Variants in NR5A2 observed in about 807,000 individuals in gnomAD.
NR5A2 encodes nuclear receptor subfamily 5 group A member 2.
A neutral mutation model predicts 62.7 loss-of-function variants in NR5A2; 26 were observed. The ratio of observed to expected loss-of-function variants is 0.41; its 90% confidence interval spans 0.30 to 0.58. NR5A2 has a LOEUF of 0.58. Among genes scored for constraint, NR5A2 ranks in the 20% least tolerant of loss-of-function variants. The probability of loss-of-function intolerance (pLI) is 0.22; values close to 1 mark genes in which losing one functional copy is unlikely to be tolerated. For missense variants in NR5A2, 541 were observed against 669.1 expected, an observed-to-expected ratio of 0.81 and a Z score of 2.11; for synonymous variants, 246 against 241.7, an observed-to-expected ratio of 1.02 and a Z score of -0.16.
intron 7 of NR5A2, among the ~76,000 whole-genome samples, chr1:200,151,345 GCAT>G (rs1653105317): frequency 6.6e-6 from 1 of 152,200 alleles, no homozygotes; most frequent in African/African-American, 2.4e-5. Context: ...TACTGTCAGA[GCAT>G]CATGTATTCT....
chr1:200,132,171 G>C (rs942137976), intron 7 of NR5A2, among the ~76,000 whole-genome samples: 3 of 152,014 alleles, frequency 2.0e-5, no homozygotes, highest in Non-Finnish European at 4.4e-5. Flanking sequence ...TACCACCCCC[G>C]GCTAATTTTT....
chr1:200,167,162 T>G (rs1653940207), intron 7 of NR5A2, among the ~76,000 whole-genome samples: 1 of 152,188 alleles, frequency 6.6e-6, no homozygotes, highest in African/African-American at 2.4e-5. Flanking sequence ...GCCTTTCTCT[T>G]GAGGTCTAGA....
Position 200,048,939 on chromosome 1 carries a change from T to A in NR5A2, c.1110+121T>A. 8.0e-7 allele frequency: 1 copy of A among 1,253,364 alleles called. No homozygotes were observed. The highest frequency in any genetic ancestry group is 1.1e-6 in the Non-Finnish European group (1 of 902,010). 77.6% of individuals were successfully genotyped at this position (1,253,364 alleles called of 1,614,324 possible). On this transcript the variant is annotated intron_variant, in intron 5 of 7. Transcript: ENST00000367362. The surrounding 1 kb of genome is among the most constrained non-coding windows in gnomAD (Gnocchi z 4.8). ...CCTTAATTTTCTACTTTGTATGATT[T>A]ACAGAGTAGACGTAATTTTATTACC...
chr1:200,103,120 C>CTT (rs1491019934), intron 5 of NR5A2, among the ~76,000 whole-genome samples: 4 of 100,926 alleles, frequency 4.0e-5, no homozygotes, highest in African/African-American at 7.4e-5. Flanking sequence ...GCATGTAAAA[C>CTT]TCTTTTTTTT....
intron 5 of NR5A2, among the ~76,000 whole-genome samples, chr1:200,095,874 A>T (rs541318582): frequency 1.3e-5 from 2 of 152,174 alleles, no homozygotes; most frequent in African/African-American, 4.8e-5. Context: ...TTTTTAAAAA[A>T]TTTTTTGGCA....
intron 1 of NR5A2, chr1:200,038,714 C>A (rs1183855690): frequency 7.3e-7 from 1 of 1,366,166 alleles, no homozygotes; most frequent in South Asian, 1.1e-5. Context: ...GAGGAAATTG[C>A]CGCTCTGGCT....
intron 1 of NR5A2, among the ~76,000 whole-genome samples, chr1:200,038,058 G>A (rs1159242630): frequency 6.6e-6 from 1 of 152,216 alleles, no homozygotes; most frequent in Non-Finnish European, 1.5e-5. Context: ...CTAAATATGA[G>A]GCATTTCGCA....
intron 5 of NR5A2, among the ~76,000 whole-genome samples, chr1:200,083,632 T>C (rs1664391673): frequency 1.0e-5 from 1 of 98,768 alleles, no homozygotes; most frequent in Non-Finnish European, 2.1e-5. Flanking sequence ...AGTATATATA[T>C]ATACAGTATT....
At chr1:200,145,723 G>A (rs1363350540) in intron 7 of NR5A2, among the ~76,000 whole-genome samples, 4 of 152,078 alleles carry the variant, frequency 2.6e-5, no homozygotes, top group Non-Finnish European at 5.9e-5. Context: ...GAACCCCTGA[G>A]CTCAGGCAAT....
intron 5 of NR5A2, among the ~76,000 whole-genome samples, chr1:200,086,492 G>C (rs945957182): frequency 6.6e-6 from 1 of 151,956 alleles, no homozygotes; most frequent in African/African-American, 2.4e-5. Flanking sequence ...TATTAGAGAC[G>C]GGGTTTCTCC....
intron 7 of NR5A2, among the ~76,000 whole-genome samples, chr1:200,126,304 T>G (rs1382192181): frequency 6.6e-6 from 1 of 152,222 alleles, no homozygotes; most frequent in Non-Finnish European, 1.5e-5. Context: ...GTTCTGGTTT[T>G]CTCTTTTTAT....
rs185683629 is a variant in NR5A2, at chr1:200,056,279, G to C, written c.1110+7461G>C. 1.2e-3 allele frequency among the ~76,000 whole-genome samples: 184 copies of C among 152,126 alleles called. 1 individual carries two copies. The highest frequency in any genetic ancestry group is 3.9e-3 in the African/African-American group (162 of 41,480). On this transcript the variant is annotated intron_variant, in intron 5 of 7. Transcript: ENST00000367362. Reference sequence around the variant, plus strand: ...TTTGTGCTATGGCCAACTCACTGTGGGGCAGTGGAACATGCCCACTTACTG... The same window carrying C: ...TTTGTGCTATGGCCAACTCACTGTGCGGCAGTGGAACATGCCCACTTACTG...
chr1:200,067,427 G>A (rs1663537602), intron 5 of NR5A2, among the ~76,000 whole-genome samples: 2 of 152,192 alleles, frequency 1.3e-5, no homozygotes, highest in Non-Finnish European at 2.9e-5. Context: ...AGGGTGGCGG[G>A]TGCCTGTAAT....
chr1:200,079,121 T>A (rs1313764921), intron 5 of NR5A2, among the ~76,000 whole-genome samples: 1 of 152,202 alleles, frequency 6.6e-6, no homozygotes, highest in Non-Finnish European at 1.5e-5. Context: ...GTCTCTGGGC[T>A]ACCTTTTCTG....
intron 7 of NR5A2, among the ~76,000 whole-genome samples, chr1:200,170,083 C>G (rs1654100970): frequency 6.6e-6 from 1 of 152,106 alleles, no homozygotes; most frequent in Non-Finnish European, 1.5e-5. Flanking sequence ...AACATGTAAT[C>G]ATTTGTCTAG....
chr1:200,162,273 C>A lies in NR5A2; in HGVS notation c.1379-11690C>A, dbSNP rs1270766859. On this transcript the variant is annotated intron_variant, in intron 7 of 7. Transcript: ENST00000367362. ...GCAAATAGAGTGTGCTGTAGACTCA[C>A]AGCAGAGAGGACTTCAAGGAGGCTT... is the stretch of plus-strand genomic sequence containing the variant. 2.0e-5 allele frequency among the ~76,000 whole-genome samples: 3 copies of A among 152,190 alleles called. No homozygotes were observed. In the East Asian group the frequency reaches 5.8e-4, roughly 29 times the overall value.
chr1:200,095,616 C>G (rs534366016), intron 5 of NR5A2, among the ~76,000 whole-genome samples: 1 of 151,434 alleles, frequency 6.6e-6, no homozygotes, highest in Non-Finnish European at 1.5e-5. Context: ...GCAGTGGTGC[C>G]ATCTCAGCTC....
Position 200,048,415 on chromosome 1 carries a change from A to T in NR5A2, c.707A>T (p.Asp236Val), listed in dbSNP as rs370765271. 1.2e-6 allele frequency: 2 copies of T among 1,614,002 alleles called. No homozygotes were observed. Among genetic ancestry groups the T allele is most frequent in the African/African-American group, 1.3e-5 (1 of 74,902 alleles). The change falls in exon 5 of 8, where the codon GAC becomes GTC. Residue 236 changes from aspartate (D) to valine (V), a missense_variant. Physicochemically the swap from Asp to Val is radical, Grantham distance 152. Around this residue, in one of 3 missense-constraint regions of NR5A2, gnomAD observed 379 missense variants for 442.0 expected, o/e 0.86. Transcript: ENST00000367362. This position sits in a 1 kb window ranked among gnomAD's most constrained non-coding sequence, Gnocchi z 4.8. ...NHAALPPTDY[D>V]RSPFVTSPIS... ...GCTGCCTTGCCTCCTACAGACTATGACAGAAGTCCCTTTGTAACATCCCCC... is the reference window on the plus strand; with the variant it reads ...GCTGCCTTGCCTCCTACAGACTATGTCAGAAGTCCCTTTGTAACATCCCCC...
At chr1:200,063,977 C>T (rs1253110447) in intron 5 of NR5A2, among the ~76,000 whole-genome samples, 3 of 151,974 alleles carry the variant, frequency 2.0e-5, no homozygotes, top group Non-Finnish European at 2.9e-5. Context: ...GGCAAAACCC[C>T]GTCTCTACTA....
Sources: allele counts gnomAD v4.1 joint callset (sites outside exome capture counted in the v4.1 genomes callset), GRCh38; gene constraint gnomAD v4.1.1; regional missense constraint gnomAD v4.1.1; non-coding constraint Gnocchi (gnomAD v3.1); transcripts MANE v1.5; gene names NCBI Gene and HGNC (gene_info 2026-07-23, HGNC 2026-07-21).